RNF182: variants seen among roughly 807,000 people sequenced by gnomAD.
RNF182 encodes ring finger protein 182.
In RNF182, 15 loss-of-function variants were observed where a neutral mutation model predicts 14.4. That is an observed-to-expected ratio of 1.04 (90% CI 0.70 to 1.60). RNF182 has a LOEUF of 1.60. Ranked by LOEUF, RNF182 falls within the 40% of genes most tolerant of loss-of-function variation. RNF182 has a pLI of 0.00. For missense variants in RNF182, 268 were observed against 294.8 expected (o/e 0.91, Z 0.67); for synonymous variants, 128 against 122.9 (o/e 1.04, Z -0.27).
rs148831684 is a variant in RNF182 at position 13,941,840 on chromosome 6, C to G, written c.-367+16817C>G. On this transcript the variant is annotated intron_variant, in intron 1 of 2. Transcript: ENST00000488300. Reference sequence around the variant, plus strand: ...ATAAACCCCTTGCTCTTTTTGGAATCGTTGTATCAGTTTAATTCCACACAT... The same window carrying G: ...ATAAACCCCTTGCTCTTTTTGGAATGGTTGTATCAGTTTAATTCCACACAT... 2.5e-3 allele frequency among the ~76,000 whole-genome samples: 379 copies of G among 152,128 alleles called. 1 individual carries two copies. The highest frequency in any genetic ancestry group is 8.4e-3 in the African/African-American group (349 of 41,514).
chr6:13,950,403 A>C (rs1204195362), intron 1 of RNF182, among the ~76,000 whole-genome samples: 2 of 152,172 alleles, frequency 1.3e-5, no homozygotes, highest in African/African-American at 2.4e-5. Flanking sequence ...ACATTTACCA[A>C]GGACAGTATT....
At chr6:13,929,905 A>G (rs966605691) in intron 1 of RNF182, among the ~76,000 whole-genome samples, 1 of 152,232 alleles carries the variant, frequency 6.6e-6, no homozygotes, top group African/African-American at 2.4e-5. Flanking sequence ...TCATAAAACA[A>G]GAAGCATTTC....
At chr6:13,964,781 G>A (rs1381809231) in intron 1 of RNF182, among the ~76,000 whole-genome samples, 1 of 152,176 alleles carries the variant, frequency 6.6e-6, no homozygotes, top group African/African-American at 2.4e-5. Flanking sequence ...GAGGAAAACT[G>A]AAACTCACCC....
chr6:13,937,203 C>T (rs574017565), intron 1 of RNF182, among the ~76,000 whole-genome samples: 6 of 152,218 alleles, frequency 3.9e-5, no homozygotes, highest in African/African-American at 1.2e-4. Context: ...GAAAAGTGCA[C>T]GAATCGTAAG....
chr6:13,934,042 A>G (rs1759044015), intron 1 of RNF182, among the ~76,000 whole-genome samples: 1 of 152,212 alleles, frequency 6.6e-6, no homozygotes, highest in African/African-American at 2.4e-5. Flanking sequence ...AAATTAAAAA[A>G]AAGAAATGTG....
Position 13,946,898 on chromosome 6 carries a change from G to A in RNF182, c.-367+21875G>A, listed in dbSNP as rs78584429. ...AGTTTAGTCATAAAGTGTTAGTATG[G>A]TGAAGGTCATTCAAAACTCTGAGTC... On this transcript the variant is annotated intron_variant, in intron 1 of 2. Transcript: ENST00000488300. Among the ~76,000 whole-genome samples, 136 of 152,264 alleles carry A rather than the reference G, an allele frequency of 8.9e-4. 1 individual carries two copies. In the East Asian group the frequency reaches 0.016, roughly 18 times the overall value.
intron 1 of RNF182, among the ~76,000 whole-genome samples, chr6:13,938,324 T>G (rs1250463016): frequency 1.3e-5 from 2 of 151,852 alleles, no homozygotes; most frequent in East Asian, 1.9e-4. Flanking sequence ...GCCTTTTTCT[T>G]ATTGATTTTT....
chr6:13,961,933 A>G (rs1025439416), intron 1 of RNF182, among the ~76,000 whole-genome samples: 40 of 152,094 alleles, frequency 2.6e-4, no homozygotes, highest in African/African-American at 8.9e-4. Flanking sequence ...TGTTGAGCCT[A>G]TTCTTTTTAG....
chr6:13,963,329 T>C lies in RNF182; in HGVS notation c.-366-10881T>C, dbSNP rs142818441. ...TTGATAAATGAGGGAAATAATTTCT[T>C]TGGGCAGAGATTGGCTTTGGATTAA... On this transcript the variant is annotated intron_variant, in intron 1 of 2. Coordinates refer to ENST00000488300, the MANE Select transcript of RNF182 (RefSeq NM_152737.4). Among the ~76,000 whole-genome samples the C allele has an allele frequency of 2.7e-3, 412 of 152,320 alleles. 4 individuals carry two copies. The highest frequency in any genetic ancestry group is 9.4e-3 in the African/African-American group (392 of 41,566).
At chr6:13,931,647 T>C (rs1187444784) in intron 1 of RNF182, among the ~76,000 whole-genome samples, 5 of 138,672 alleles carry the variant, frequency 3.6e-5, no homozygotes, top group Non-Finnish European at 7.7e-5. Context: ...TGACCTTTTT[T>C]TCTCTTTTTT....
At chr6:13,927,528 A>G (rs1758859341) in intron 1 of RNF182, among the ~76,000 whole-genome samples, 1 of 152,196 alleles carries the variant, frequency 6.6e-6, no homozygotes. Flanking sequence ...AATTGTCACC[A>G]TAGCTGTATT....
chr6:13,969,528 T>G (rs1368999141), intron 1 of RNF182, among the ~76,000 whole-genome samples: 2 of 152,080 alleles, frequency 1.3e-5, no homozygotes, highest in Non-Finnish European at 2.9e-5. Context: ...AAGGGAGCAA[T>G]GTGATCTAAA....
Position 13,977,751 on chromosome 6 carries a change from T to G in RNF182, c.632T>G (p.Leu211Arg). 6.2e-7 allele frequency: 1 copy of G among 1,614,152 alleles called. No individual in the cohort carries two copies. The highest frequency in any genetic ancestry group is 8.5e-7 in the Non-Finnish European group (1 of 1,180,022). Residue 211 changes from leucine to arginine, a missense_variant, in exon 3 of 3, where the codon CTT becomes CGT. By Grantham distance (102) the Leu-to-Arg change is moderately radical (BLOSUM62 -2). Coordinates refer to ENST00000488300, the MANE Select transcript of RNF182 (RefSeq NM_152737.4). Reference sequence around the variant, plus strand: ...TTACTGGTGTCTAAGAAAGTCACCCTTGGGGTCGTCTTTGTCAGCCTGGTC... The same window carrying G: ...TTACTGGTGTCTAAGAAAGTCACCCGTGGGGTCGTCTTTGTCAGCCTGGTC... ...IYLLVSKKVTLGVVFVSLVPS... is the reference protein window; with the variant it reads ...IYLLVSKKVTRGVVFVSLVPS...
chr6:13,932,698 C>T (rs1053902903), intron 1 of RNF182, among the ~76,000 whole-genome samples: 1 of 152,148 alleles, frequency 6.6e-6, no homozygotes, highest in Non-Finnish European at 1.5e-5. Context: ...AAATCTATTA[C>T]ACATTTTGAA....
chr6:13,942,202 T>C (rs1157169738), intron 1 of RNF182, among the ~76,000 whole-genome samples: 1 of 152,194 alleles, frequency 6.6e-6, no homozygotes, highest in East Asian at 1.9e-4. Flanking sequence ...ATGTGCCTTT[T>C]TCCTCTGTGT....
chr6:13,978,056 G>C lies in RNF182; in HGVS notation c.*193G>C, dbSNP rs139564342. 3.8e-3 allele frequency: 2,254 copies of C among 597,738 alleles called. 49 individuals carry two copies. The East Asian group carries it at 0.053, about 14-fold the overall frequency. The allele number at this position is 597,738 out of a possible 1,614,324, so 37.0% of individuals were successfully genotyped here. On this transcript the variant is annotated 3_prime_UTR_variant, in exon 3 of 3. Transcript: ENST00000488300. Reference sequence around the variant, plus strand: ...AATGTTCATTTCTACTTAGGGGTTAGCAAAATTGTATAAGCTCACACTTCA... The same window carrying C: ...AATGTTCATTTCTACTTAGGGGTTACCAAAATTGTATAAGCTCACACTTCA...
intron 1 of RNF182, among the ~76,000 whole-genome samples, chr6:13,933,536 A>G (rs1429935788): frequency 6.6e-6 from 1 of 152,156 alleles, no homozygotes; most frequent in Admixed American, 6.5e-5. Flanking sequence ...AAGAAAAAGT[A>G]AAAAGTAATT....
At chr6:13,933,879 C>T (rs2113583582) in intron 1 of RNF182, among the ~76,000 whole-genome samples, 1 of 151,990 alleles carries the variant, frequency 6.6e-6, no homozygotes, top group South Asian at 2.1e-4. Context: ...TTAGCTAGGC[C>T]TGGTGGCATG....
At chr6:13,972,034 C>T (rs940755026) in intron 1 of RNF182, among the ~76,000 whole-genome samples, 4 of 152,098 alleles carry the variant, frequency 2.6e-5, no homozygotes, top group African/African-American at 9.7e-5. Flanking sequence ...GGTGCAGTGG[C>T]TCATGCCTGT....
Sources: gnomAD v4.1 joint callset for allele counts (sites outside exome capture counted in the v4.1 genomes callset) on GRCh38, gnomAD v4.1.1 for gene constraint, MANE v1.5 for transcripts, NCBI Gene and HGNC (gene_info 2026-07-23, HGNC 2026-07-21) for gene names.